FCRL4: variants seen among roughly 807,000 people sequenced by gnomAD.
FCRL4 encodes Fc receptor like 4.
Under a neutral mutation model 64.1 loss-of-function variants are expected in FCRL4, and 43 were observed. That is an observed-to-expected ratio of 0.67 (90% confidence interval 0.53 to 0.87). FCRL4 has a LOEUF of 0.87. FCRL4 is among the 40% of genes least tolerant of loss of function. The pLI is 0.00. For missense variants in FCRL4, 656 were observed against 613.5 expected (o/e 1.07, Z -0.73); for synonymous variants, 253 against 239.8 (o/e 1.05, Z -0.51).
At chr1:157,595,328 G>A (rs1652937320) in intron 2 of FCRL4, among the ~76,000 whole-genome samples, 1 of 152,210 alleles carries the variant, frequency 6.6e-6, no homozygotes, top group African/African-American at 2.4e-5. Flanking sequence ...ATATTCCTGG[G>A]AAGCACCTGG....
chr1:157,597,417 G>GA (rs1190541768), intron 1 of FCRL4, among the ~76,000 whole-genome samples: 1 of 152,166 alleles, frequency 6.6e-6, no homozygotes, highest in African/African-American at 2.4e-5. Context: ...AAAGCAGGAA[G>GA]AAAAAAATCA....
chr1:157,590,956 A>T (rs1652826120), intron 2 of FCRL4, among the ~76,000 whole-genome samples: 1 of 152,226 alleles, frequency 6.6e-6, no homozygotes, highest in African/African-American at 2.4e-5. Context: ...AATGGCCTAC[A>T]AATTTATTAA....
At chr1:157,591,201 G>C (rs140875476) in intron 2 of FCRL4, among the ~76,000 whole-genome samples, 2 of 152,188 alleles carry the variant, frequency 1.3e-5, no homozygotes, top group African/African-American at 4.8e-5. Context: ...GGTTACACCC[G>C]TCAGTCTTCT....
At position 157,585,360 on chromosome 1, in the gene FCRL4, T is replaced by G. The variant is rs866819090; in HGVS notation, c.1135+808A>C. ...TTTCTCTCTCTCTTTCTTTCTTTCTTTCTTTCTTTCTTTCTTTCTTTCTTT... is the reference window on the plus strand; with the variant it reads ...TTTCTCTCTCTCTTTCTTTCTTTCTGTCTTTCTTTCTTTCTTTCTTTCTTT... On this transcript the variant is annotated intron_variant, in intron 6 of 11. Coordinates refer to ENST00000271532, the MANE Select transcript of FCRL4 (RefSeq NM_031282.3). Among the ~76,000 whole-genome samples, 32 of 91,198 alleles carry G rather than the reference T, an allele frequency of 3.5e-4. 1 individual carries two copies. The highest frequency in any genetic ancestry group is 5.8e-4 in the Non-Finnish European group (27 of 46,848). 59.8% of individuals were successfully genotyped at this position (91,198 alleles called of 152,430 possible).
At chr1:157,584,045 C>T (rs1310753086) in intron 6 of FCRL4, among the ~76,000 whole-genome samples, 1 of 152,104 alleles carries the variant, frequency 6.6e-6, no homozygotes, top group Non-Finnish European at 1.5e-5. Context: ...AGAAGCTGAT[C>T]CATTCTGATG....
intron 6 of FCRL4, among the ~76,000 whole-genome samples, chr1:157,584,682 G>A (rs1474848592): frequency 6.6e-6 from 1 of 152,066 alleles, no homozygotes; most frequent in Non-Finnish European, 1.5e-5. Flanking sequence ...TAACCTGGTG[G>A]GCCCTGCTTG....
chr1:157,579,919 G>A (rs1458468350), intron 8 of FCRL4, among the ~76,000 whole-genome samples: 1 of 151,334 alleles, frequency 6.6e-6, no homozygotes, highest in East Asian at 1.9e-4. Flanking sequence ...TGCGTGTATG[G>A]TGCAAAAAGA....
chr1:157,579,875 G>A (rs937958553), intron 8 of FCRL4, among the ~76,000 whole-genome samples: 1 of 152,194 alleles, frequency 6.6e-6, no homozygotes, highest in Non-Finnish European at 1.5e-5. Flanking sequence ...TTTTCCAAAT[G>A]GAAGTTAAGC....
intron 1 of FCRL4, among the ~76,000 whole-genome samples, chr1:157,596,809 A>T (rs910701035): frequency 2.6e-5 from 4 of 152,198 alleles, no homozygotes; most frequent in African/African-American, 9.7e-5. Context: ...CCTAGTTTCC[A>T]AAGTTAGATT....
chr1:157,587,228 C>A, intron 5 of FCRL4, 48 bp downstream of exon 5: 1 of 1,595,798 alleles, frequency 6.3e-7, no homozygotes, highest in South Asian at 1.1e-5. Context: ...CTACAGAGCC[C>A]AAGGGGCAGA....
intron 6 of FCRL4, among the ~76,000 whole-genome samples, chr1:157,582,148 G>C (rs1157929447): frequency 6.6e-6 from 1 of 152,202 alleles, no homozygotes; most frequent in African/African-American, 2.4e-5. Context: ...GTGCTCTGAA[G>C]GGCAGGAGAG....
At chr1:157,593,546 T>C (rs1004479531) in intron 2 of FCRL4, among the ~76,000 whole-genome samples, 4 of 152,208 alleles carry the variant, frequency 2.6e-5, no homozygotes, top group Admixed American at 2.6e-4. Flanking sequence ...AGTTATTGTT[T>C]ATCTTGAAAA....
chr1:157,596,151 C>G (rs1652959537), intron 2 of FCRL4, among the ~76,000 whole-genome samples, 177 bp downstream of exon 2: 1 of 152,142 alleles, frequency 6.6e-6, no homozygotes, highest in Non-Finnish European at 1.5e-5. Context: ...AAGAGAGTCA[C>G]CCCCAAATAG....
rs1332988985 is a variant in FCRL4, at chr1:157,575,743, A to T, written c.1430-13T>A. 1.2e-6 allele frequency: 2 copies of T among 1,613,482 alleles called. No individual in the cohort carries two copies. The highest frequency in any genetic ancestry group is 1.7e-6 in the Non-Finnish European group (2 of 1,179,538). On this transcript the variant is annotated splice_polypyrimidine_tract_variant and intron_variant, in intron 10 of 11. Coordinates refer to ENST00000271532, the MANE Select transcript of FCRL4 (RefSeq NM_031282.3). ...CTGGAGGTATTAGCTGTGGACAGAA[A>T]GAGAATCACTGGACTATGGGCATAA...
intron 6 of FCRL4, among the ~76,000 whole-genome samples, chr1:157,582,118 T>C (rs1652573997): frequency 6.6e-6 from 1 of 152,144 alleles, no homozygotes; most frequent in Non-Finnish European, 1.5e-5. Context: ...GCCTCCTTCC[T>C]CATAGAAGCC....
chr1:157,591,476 G>T (rs939628991), intron 2 of FCRL4, among the ~76,000 whole-genome samples: 19 of 152,072 alleles, frequency 1.2e-4, no homozygotes, highest in African/African-American at 4.3e-4. Context: ...TATAGAAATT[G>T]GGAGGTCAAT....
At chr1:157,595,160 G>A (rs1409074183) in intron 2 of FCRL4, among the ~76,000 whole-genome samples, 2 of 152,126 alleles carry the variant, frequency 1.3e-5, no homozygotes, top group African/African-American at 4.8e-5. Context: ...TCAGCCTCCC[G>A]AAGTGCTGGG....
chr1:157,578,714 C>A, intron 9 of FCRL4, 56 bp downstream of exon 9: 2 of 1,555,622 alleles, frequency 1.3e-6, no homozygotes, highest in South Asian at 1.1e-5. Context: ...GGGCTGAAAG[C>A]GCATTATCTT....
In FCRL4 at chr1:157,589,131, C is replaced by A. The variant is rs748566770; in HGVS notation, c.307+73G>T. On this transcript the variant is annotated intron_variant, in intron 3 of 11. Transcript: ENST00000271532. The stretch of plus-strand genomic sequence containing the variant: ...TAGAGAGGAATGAAAGACCCCAGTT[C>A]GTGGAATCTCCAGGGAGCTAAGATA... The A allele has an allele frequency of 8.6e-6, 13 of 1,512,288 alleles. No individual in the cohort carries two copies. In the Admixed American group the frequency reaches 1.1e-4, roughly 13 times the overall value. The allele number at this position is 1,512,288 out of a possible 1,614,324, so 93.7% of individuals were successfully genotyped here.
Sources: gnomAD v4.1 joint callset for allele counts (sites outside exome capture counted in the v4.1 genomes callset) on GRCh38, gnomAD v4.1.1 for gene constraint, MANE v1.5 for transcripts, NCBI Gene and HGNC (gene_info 2026-07-23, HGNC 2026-07-21) for gene names.